NBEAL1: variants seen among roughly 807,000 people sequenced by gnomAD.
The protein encoded by NBEAL1 is neurobeachin-like protein 1.
In NBEAL1, 273 loss-of-function variants were observed where a neutral mutation model predicts 351.3. The observed-to-expected ratio is 0.78, with a 90% CI of 0.70 to 0.86. The LOEUF (loss-of-function observed/expected upper bound fraction) is 0.86, where lower values mean the gene tolerates loss of function less well. Ranked by LOEUF, NBEAL1 falls within the 40% of genes least tolerant of loss-of-function variation. NBEAL1 has a pLI of 0.00. For missense variants in NBEAL1, 2,961 were observed against 3,201.3 expected (o/e 0.92, Z 1.81); for synonymous variants, 1,050 against 1,086.4 (o/e 0.97, Z 0.66).
chr2:203,069,180 A>G (rs975148245), intron 7 of NBEAL1, among the ~76,000 whole-genome samples: 1 of 152,264 alleles, frequency 6.6e-6, no homozygotes, highest in Non-Finnish European at 1.5e-5. Flanking sequence ...TTCCTTGAGT[A>G]TGTATTTCCC....
Position 203,133,076 on chromosome 2 carries a change from A to G in NBEAL1, c.3743A>G (p.Lys1248Arg), listed in dbSNP as rs1485556456. 2 of 1,492,262 alleles carry G rather than the reference A, an allele frequency of 1.3e-6. No homozygotes were observed. The highest frequency in any genetic ancestry group is 1.8e-6 in the Non-Finnish European group (2 of 1,106,200). 92.4% of individuals were successfully genotyped at this position (1,492,262 alleles called of 1,614,324 possible). A position where few individuals can be genotyped will look rare whatever the true frequency, so the allele number is the denominator to read the frequency against. The change falls in exon 27 of 56, where the codon AAA becomes AGA. Residue 1248 changes from lysine to arginine, a missense_variant. Transcript: ENST00000683969. Reference protein sequence around the residue: ...IINTDPVINFKDLLSVVYISH... With the variant: ...IINTDPVINFRDLLSVVYISH... ...ACCATAGATCCTGTTATTAATTTCA[A>G]AGATCTACTATCTGTGGTATATATA...
rs781656256 is a variant in NBEAL1, at chr2:203,036,609, T to C, written c.52-5156T>C. 4.0e-4 allele frequency among the ~76,000 whole-genome samples: 60 copies of C among 149,482 alleles called. 6 individuals are homozygous for C. Among genetic ancestry groups the C allele is most frequent in the Non-Finnish European group, 6.8e-4 (45 of 66,624 alleles). ...GTTGTAAGGAGTAAATGGGATGATA[T>C]ATTTTTTAAATGCCTGCTGTACTAC... is the stretch of plus-strand genomic sequence containing the variant. On this transcript the variant is annotated intron_variant, in intron 2 of 55. Transcript: ENST00000683969.
intron 36 of NBEAL1, among the ~76,000 whole-genome samples, chr2:203,165,138 G>A (rs1559029084): frequency 6.6e-6 from 1 of 152,116 alleles, no homozygotes; most frequent in Non-Finnish European, 1.5e-5. Flanking sequence ...TGGGATTACA[G>A]GCGTGAGCCA....
Position 203,110,154 on chromosome 2 carries a change from T to C in NBEAL1, c.1954T>C (p.Phe652Leu). Residue 652 changes from phenylalanine to leucine, a missense_variant, in exon 15 of 56, where the codon TTT becomes CTT. Phe to Leu is a conservative substitution (Grantham distance 22, BLOSUM62 0). Transcript: ENST00000683969. ...GGKRKQLYSF[F>L]TGSGMGFEAF... is the part of the protein sequence containing the mutation. ...GATAATACGTATTTTTTTTAGTTTTTTTACAGGAAGTGGCATGGGTTTTGA... is the reference window on the plus strand; with the variant it reads ...GATAATACGTATTTTTTTTAGTTTTCTTACAGGAAGTGGCATGGGTTTTGA... The C allele has an allele frequency of 6.5e-7, 1 of 1,544,004 alleles. No individual in the cohort carries two copies. The highest frequency in any genetic ancestry group is 8.7e-7 in the Non-Finnish European group (1 of 1,145,096).
intron 18 of NBEAL1, among the ~76,000 whole-genome samples, chr2:203,119,232 A>G (rs1371765753): frequency 6.6e-6 from 1 of 151,300 alleles, no homozygotes; most frequent in Non-Finnish European, 1.5e-5. Context: ...CAGTGGTGCA[A>G]TCATGGCTCA....
intron 51 of NBEAL1, among the ~76,000 whole-genome samples, chr2:203,207,108 G>A (rs1266824524): frequency 2.7e-5 from 4 of 146,756 alleles, no homozygotes; most frequent in Admixed American, 6.7e-5. Context: ...CTGCCCGGCC[G>A]CCCCGTCTGA....
intron 29 of NBEAL1, among the ~76,000 whole-genome samples, chr2:203,137,746 G>A (rs1330965100): frequency 6.6e-6 from 1 of 152,166 alleles, no homozygotes; most frequent in Non-Finnish European, 1.5e-5. Flanking sequence ...CACTCTGGGA[G>A]GCTAAGGCAG....
chr2:203,121,358 CTA>C, intron 18 of NBEAL1, among the ~76,000 whole-genome samples: 1 of 151,372 alleles, frequency 6.6e-6, no homozygotes, highest in African/African-American at 2.4e-5. Flanking sequence ...AATTTAAAAA[CTA>C]TGACTGGCGA....
chr2:203,089,506 C>T (rs1214873282), intron 10 of NBEAL1, among the ~76,000 whole-genome samples: 1 of 152,096 alleles, frequency 6.6e-6, no homozygotes, highest in Non-Finnish European at 1.5e-5. Flanking sequence ...GAGAAACCAA[C>T]ACATATTTGC....
chr2:203,076,478 A>AAAAC (rs1265857625), intron 7 of NBEAL1, among the ~76,000 whole-genome samples: 1 of 35,904 alleles, frequency 2.8e-5, no homozygotes, highest in Non-Finnish European at 8.7e-5. Context: ...CCCTGTCTCA[A>AAAAC]AAACAAACAA....
In NBEAL1 at chr2:203,167,222, T is replaced by C. The variant is rs2064160670; in HGVS notation, c.5864-5T>C. The C allele has an allele frequency of 6.2e-7, 1 of 1,603,864 alleles. No individual in the cohort carries two copies. The highest frequency in any genetic ancestry group is 1.1e-5 in the South Asian group (1 of 88,964). On this transcript the variant is annotated splice_region_variant and splice_polypyrimidine_tract_variant and intron_variant, in intron 37 of 55. Coordinates refer to ENST00000683969, the MANE Select transcript of NBEAL1 (RefSeq NM_001378026.1). The stretch of plus-strand genomic sequence containing the variant: ...TCTCAGTCACAAGATTTCTTCCGTT[T>C]TCAGGAGTAGGCTTTGATTTCAAGT...
chr2:203,114,827 C>T (rs2062653698), intron 17 of NBEAL1, among the ~76,000 whole-genome samples: 1 of 143,696 alleles, frequency 7.0e-6, no homozygotes, highest in Non-Finnish European at 1.6e-5. Flanking sequence ...TATTGGCTCA[C>T]TATAACCTCT....
rs2065917694 is a variant in NBEAL1, at chr2:203,218,211, C to G, written c.*857C>G. The G allele has an allele frequency of 6.6e-6, 1 of 152,030 alleles. No individual in the cohort carries two copies. Among genetic ancestry groups the G allele is most frequent in the Non-Finnish European group, 1.5e-5 (1 of 68,030 alleles). 9.4% of individuals were successfully genotyped at this position (152,030 alleles called of 1,614,324 possible). A position where few individuals can be genotyped will look rare whatever the true frequency, so the allele number is the denominator to read the frequency against. On this transcript the variant is annotated 3_prime_UTR_variant, in exon 56 of 56. Coordinates refer to ENST00000683969, the MANE Select transcript of NBEAL1 (RefSeq NM_001378026.1). The stretch of plus-strand genomic sequence containing the variant: ...TATGTTGAATTTTTACTTAGGATAT[C>G]TGTGTGATTGATGAATGAATTGAAA...
At chr2:203,156,041 A>G (rs968423431) in intron 35 of NBEAL1, among the ~76,000 whole-genome samples, 2 of 152,146 alleles carry the variant, frequency 1.3e-5, no homozygotes, top group African/African-American at 4.8e-5. Flanking sequence ...TCCGTATGAC[A>G]TTTCTGAAAC....
Position 203,209,318 on chromosome 2 carries a change from T to C in NBEAL1, c.7781T>C (p.Leu2594Pro). ...TCCAGCACTGAAGAAAAGACCACCC[T>C]CAAGGTATATGACCTTTCATGCAAT... Reference protein sequence around the residue: ...VYSSTEEKTTLKDKNALHLFS... With the variant: ...VYSSTEEKTTPKDKNALHLFS... Residue 2594 changes from leucine to proline, a missense_variant, in exon 53 of 56, where the codon CTC becomes CCC. Physicochemically the swap from Leu to Pro is moderately conservative, Grantham distance 98. Transcript: ENST00000683969. The C allele has an allele frequency of 6.2e-7, 1 of 1,613,180 alleles. No homozygotes were observed. Among genetic ancestry groups the C allele is most frequent in the Non-Finnish European group, 8.5e-7 (1 of 1,179,230 alleles).
chr2:203,100,973 T>C (rs2062306985), intron 12 of NBEAL1, among the ~76,000 whole-genome samples: 1 of 152,234 alleles, frequency 6.6e-6, no homozygotes, highest in African/African-American at 2.4e-5. Context: ...GTTGGATGCA[T>C]GGTTTGCAAA....
intron 31 of NBEAL1, 130 bp downstream of exon 31, chr2:203,138,878 A>C (rs1311232111): frequency 5.5e-6 from 5 of 915,826 alleles, no homozygotes; most frequent in South Asian, 2.5e-5. Context: ...CCATGATTTC[A>C]TTTGGAGTTT....
chr2:203,172,129 T>A (rs1479774055), intron 40 of NBEAL1, 106 bp downstream of exon 40: 1 of 522,142 alleles, frequency 1.9e-6, no homozygotes. Context: ...ATAAAAACAC[T>A]TTGGCCTTTC....
At chr2:203,131,817 T>C (rs1032691558) in intron 25 of NBEAL1, among the ~76,000 whole-genome samples, 156 bp from the exon 26 acceptor site, 7 of 152,188 alleles carry the variant, frequency 4.6e-5, no homozygotes, top group African/African-American at 7.2e-5. Context: ...TAAGTTAATA[T>C]TGCTATAAGT....
Sources: gnomAD v4.1 joint callset for allele counts (sites outside exome capture counted in the v4.1 genomes callset) on GRCh38, gnomAD v4.1.1 for gene constraint, MANE v1.5 for transcripts, NCBI Gene and HGNC (gene_info 2026-07-23, HGNC 2026-07-21) for gene names.